Variants in FNDC3A observed in about 807,000 individuals in gnomAD.
FNDC3A encodes fibronectin type III domain containing 3A.
A neutral mutation model predicts 148.9 loss-of-function variants in FNDC3A; 32 were observed. That is an observed-to-expected ratio of 0.21 (90% CI 0.16 to 0.29). The LOEUF (loss-of-function observed/expected upper bound fraction) is 0.29, where lower values mean the gene tolerates loss of function less well. FNDC3A is among the 10% of genes least tolerant of loss of function. The pLI is 1.00. For synonymous variants in FNDC3A, 472 were observed against 473.6 expected, an observed-to-expected ratio of 1.00 and a Z score of 0.04; for missense variants, 1,191 against 1,452.8, an observed-to-expected ratio of 0.82 and a Z score of 2.93.
intron 8 of FNDC3A, among the ~76,000 whole-genome samples, chr13:49,147,544 AAAG>A (rs1165782917): frequency 6.6e-6 from 1 of 152,146 alleles, no homozygotes; most frequent in Non-Finnish European, 1.5e-5. Flanking sequence ...AAAAAAAAAA[AAAG>A]TAGGGAATAG....
chr13:49,174,676 G>A (rs1490985595), intron 12 of FNDC3A, 117 bp downstream of exon 12: 1 of 889,494 alleles, frequency 1.1e-6, no homozygotes, highest in Admixed American at 2.8e-5. Context: ...TTATCTCTTT[G>A]TTGATATAGT....
At chr13:49,018,430 C>G (rs1312119611) in intron 2 of FNDC3A, among the ~76,000 whole-genome samples, 3 of 152,126 alleles carry the variant, frequency 2.0e-5, no homozygotes, top group Non-Finnish European at 4.4e-5. Context: ...ACGTAGTTCT[C>G]GAGCGTTGGT....
At chr13:49,017,481 G>A (rs1288764343) in intron 2 of FNDC3A, among the ~76,000 whole-genome samples, 2 of 150,726 alleles carry the variant, frequency 1.3e-5, no homozygotes, top group African/African-American at 4.9e-5. Context: ...CTTTTATTTT[G>A]AGCCTATGTG....
At chr13:49,142,440 C>T (rs1411016206) in intron 7 of FNDC3A, among the ~76,000 whole-genome samples, 2 of 152,124 alleles carry the variant, frequency 1.3e-5, no homozygotes, top group African/African-American at 4.8e-5. Context: ...TAGATTAGTA[C>T]TCCAGCTTTA....
chr13:49,057,989 A>G (rs1478333335), intron 2 of FNDC3A, among the ~76,000 whole-genome samples: 1 of 152,118 alleles, frequency 6.6e-6, no homozygotes, highest in Non-Finnish European at 1.5e-5. Context: ...GACTGTGCCT[A>G]AGTTTAGAGA....
intron 4 of FNDC3A, among the ~76,000 whole-genome samples, chr13:49,123,352 A>T (rs1469881072): frequency 2.0e-5 from 3 of 152,164 alleles, no homozygotes; most frequent in African/African-American, 7.2e-5. Context: ...TTAACTCAAG[A>T]TGGATTAAAG....
intron 2 of FNDC3A, among the ~76,000 whole-genome samples, chr13:49,028,290 T>C (rs1368376697): frequency 6.6e-6 from 1 of 152,130 alleles, no homozygotes; most frequent in Non-Finnish European, 1.5e-5. Flanking sequence ...GACAGGGTCT[T>C]GCTCTATCAC....
chr13:49,203,888 T>A (rs1298820104), intron 25 of FNDC3A, among the ~76,000 whole-genome samples: 1 of 152,140 alleles, frequency 6.6e-6, no homozygotes, highest in Non-Finnish European at 1.5e-5. Flanking sequence ...AAGGGGCCTA[T>A]AGGTGGTATG....
intron 2 of FNDC3A, among the ~76,000 whole-genome samples, chr13:49,010,596 A>G (rs1952319727): frequency 6.6e-6 from 1 of 152,240 alleles, no homozygotes; most frequent in African/African-American, 2.4e-5. Context: ...GTTTTAAATC[A>G]TGAAGTATAA....
chr13:49,123,644 A>T lies in FNDC3A; in HGVS notation c.253-7493A>T, dbSNP rs1881506889. Among the ~76,000 whole-genome samples the T allele has an allele frequency of 3.9e-5, 6 of 152,006 alleles. No homozygotes were observed. The South Asian group carries it at 1.2e-3, about 32-fold the overall frequency. On this transcript the variant is annotated intron_variant, in intron 4 of 25. Transcript: ENST00000492622. ...TCCAGAATATACAAAGAACTTAAAC[A>T]AATTTACAAAAAAAAAAACCAACCC...
intron 2 of FNDC3A, among the ~76,000 whole-genome samples, chr13:49,033,555 G>T (rs1233237580): frequency 6.6e-6 from 1 of 152,028 alleles, no homozygotes. Context: ...TCAGTGAATT[G>T]AAACAAATTA....
chr13:49,160,044 A>G (rs1404516850), intron 8 of FNDC3A, among the ~76,000 whole-genome samples: 2 of 152,174 alleles, frequency 1.3e-5, no homozygotes, highest in South Asian at 2.1e-4. Context: ...GGATTTTCAC[A>G]TCGATGTTCA....
chr13:49,194,542 T>C (rs1363386747), intron 19 of FNDC3A, among the ~76,000 whole-genome samples: 1 of 152,230 alleles, frequency 6.6e-6, no homozygotes, highest in African/African-American at 2.4e-5. Context: ...CAGGTTTGTT[T>C]GTTTTTTTTC....
chr13:48,997,942 A>G (rs950411231), intron 1 of FNDC3A, among the ~76,000 whole-genome samples: 1 of 151,866 alleles, frequency 6.6e-6, no homozygotes, highest in Non-Finnish European at 1.5e-5. Context: ...CCAGACTGCT[A>G]GGGGCAATTC....
intron 3 of FNDC3A, among the ~76,000 whole-genome samples, chr13:49,101,595 GA>G (rs927225639): frequency 2.0e-5 from 3 of 148,990 alleles, no homozygotes; most frequent in Admixed American, 6.7e-5. Flanking sequence ...GGTTTGCCAG[GA>G]AAAAAAAAAT....
intron 2 of FNDC3A, among the ~76,000 whole-genome samples, chr13:49,024,701 C>A (rs1873572563): frequency 1.3e-5 from 2 of 151,460 alleles, no homozygotes; most frequent in South Asian, 4.2e-4. Flanking sequence ...TAAAAAAAAA[C>A]CCTCAATAAA....
chr13:49,106,791 AAAC>A (rs1203153775), intron 3 of FNDC3A, among the ~76,000 whole-genome samples: 1 of 150,952 alleles, frequency 6.6e-6, no homozygotes, highest in African/African-American at 2.4e-5. Context: ...AAAAAAAAAA[AAAC>A]CAACAACAAC....
At chr13:49,108,024 A>G (rs1282392990) in intron 3 of FNDC3A, among the ~76,000 whole-genome samples, 1 of 152,184 alleles carries the variant, frequency 6.6e-6, no homozygotes, top group Non-Finnish European at 1.5e-5. Flanking sequence ...TATGAAGAAC[A>G]AATGTAGAAG....
intron 2 of FNDC3A, among the ~76,000 whole-genome samples, chr13:49,012,968 C>T (rs529956690): frequency 1.2e-4 from 19 of 152,124 alleles, no homozygotes; most frequent in African/African-American, 4.6e-4. Context: ...GTATTTTCAG[C>T]ATATTATTAA....
Sources: gnomAD v4.1 joint callset for allele counts (sites outside exome capture counted in the v4.1 genomes callset) on GRCh38, gnomAD v4.1.1 for gene constraint, MANE v1.5 for transcripts, NCBI Gene and HGNC (gene_info 2026-07-23, HGNC 2026-07-21) for gene names.